The following WWOX variants were observed in gnomAD, a reference collection of about 807,000 sequenced individuals.
WWOX encodes WW domain containing oxidoreductase.
Under a neutral mutation model 46.2 loss-of-function variants are expected in WWOX, and 69 were observed. The observed-to-expected ratio is 1.49, with a 90% CI of 1.23 to 1.82. WWOX has a LOEUF of 1.82. Among genes scored for constraint, WWOX ranks in the 40% most tolerant of loss-of-function variants. The pLI is 0.00. For synonymous variants in WWOX, 359 were observed against 202.6 expected, an observed-to-expected ratio of 1.77 and a Z score of -6.56; for missense variants, 919 against 542.6, an observed-to-expected ratio of 1.69 and a Z score of -6.89.
At chr16:78,460,812 C>G (rs1156268249) in intron 8 of WWOX, among the ~76,000 whole-genome samples, 1 of 152,252 alleles carries the variant, frequency 6.6e-6, no homozygotes, top group African/African-American at 2.4e-5. Flanking sequence ...AATGAATACT[C>G]TATTTCAGTT....
intron 8 of WWOX, among the ~76,000 whole-genome samples, chr16:78,841,677 G>T (rs1307461088): frequency 6.6e-6 from 1 of 152,128 alleles, no homozygotes; most frequent in Non-Finnish European, 1.5e-5. Flanking sequence ...CTATAAGTAG[G>T]TGCAAACATT....
At chr16:78,719,504 A>G (rs751698496) in intron 8 of WWOX, among the ~76,000 whole-genome samples, 1 of 152,238 alleles carries the variant, frequency 6.6e-6, no homozygotes, top group Admixed American at 6.5e-5. Flanking sequence ...AGGAGTGTCT[A>G]GATGAAATGC....
chr16:78,997,054 C>A (rs540652026), intron 8 of WWOX, among the ~76,000 whole-genome samples: 1 of 152,132 alleles, frequency 6.6e-6, no homozygotes, highest in African/African-American at 2.4e-5. Context: ...TGCCACAGAG[C>A]GGCTGTCAGA....
chr16:78,700,956 G>A (rs186125360), intron 8 of WWOX, among the ~76,000 whole-genome samples: 2 of 152,196 alleles, frequency 1.3e-5, no homozygotes, highest in South Asian at 2.1e-4. Flanking sequence ...AGGGCTCTCA[G>A]TGGGTGTTGT....
intron 8 of WWOX, among the ~76,000 whole-genome samples, chr16:78,789,194 T>C (rs1027409666): frequency 1.3e-5 from 2 of 152,162 alleles, no homozygotes; most frequent in Non-Finnish European, 2.9e-5. Flanking sequence ...CATGGTGGTG[T>C]GAGAGCAGAA....
intron 8 of WWOX, among the ~76,000 whole-genome samples, chr16:78,962,735 A>T (rs2046294550): frequency 6.6e-6 from 1 of 152,156 alleles, no homozygotes; most frequent in African/African-American, 2.4e-5. Context: ...CTGTGTAAAC[A>T]CCACTCAGAT....
chr16:78,567,874 C>A (rs1289894881), intron 8 of WWOX, among the ~76,000 whole-genome samples: 1 of 152,118 alleles, frequency 6.6e-6, no homozygotes, highest in Non-Finnish European at 1.5e-5. Context: ...GCAGCTCGTC[C>A]CGTGTCTAAT....
chr16:78,638,922 A>G (rs2046638755), intron 8 of WWOX, among the ~76,000 whole-genome samples: 1 of 152,052 alleles, frequency 6.6e-6, no homozygotes, highest in Non-Finnish European at 1.5e-5. Context: ...AACCTGAGAG[A>G]TATCAGTGTA....
intron 8 of WWOX, among the ~76,000 whole-genome samples, chr16:78,978,257 G>A (rs1303218141): frequency 6.6e-6 from 1 of 152,170 alleles, no homozygotes; most frequent in Non-Finnish European, 1.5e-5. Flanking sequence ...GGGCATTTGG[G>A]TTATTTCCAC....
At chr16:78,833,325 G>T (rs147683583) in intron 8 of WWOX, among the ~76,000 whole-genome samples, 65 of 152,128 alleles carry the variant, frequency 4.3e-4, no homozygotes, top group African/African-American at 1.4e-3. Flanking sequence ...GGGATGACAA[G>T]CTCTTTCTTT....
intron 8 of WWOX, chr16:78,897,087 A>G (rs1024661207): frequency 6.6e-6 from 1 of 150,940 alleles, no homozygotes; most frequent in Admixed American, 6.6e-5. Flanking sequence ...AAAAAGAAAA[A>G]AAAAAAGAAA....
intron 8 of WWOX, among the ~76,000 whole-genome samples, chr16:79,172,219 C>G (rs1196819075): frequency 6.6e-6 from 1 of 152,174 alleles, no homozygotes; most frequent in Non-Finnish European, 1.5e-5. Flanking sequence ...TTTTATTTCC[C>G]CACTTGGCAC....
chr16:78,864,687 C>T (rs2043963871), intron 8 of WWOX, among the ~76,000 whole-genome samples: 4 of 149,632 alleles, frequency 2.7e-5, no homozygotes, highest in Admixed American at 2.7e-4. Context: ...GGGTCTGACA[C>T]ATCACAGATG....
At chr16:79,076,866 G>A (rs1460068187) in intron 8 of WWOX, among the ~76,000 whole-genome samples, 6 of 152,192 alleles carry the variant, frequency 3.9e-5, no homozygotes, top group African/African-American at 7.2e-5. Flanking sequence ...TGTATCAGAC[G>A]CTTGTCTTAG....
At chr16:78,734,144 A>G (rs776151764) in intron 8 of WWOX, among the ~76,000 whole-genome samples, 61 of 152,146 alleles carry the variant, frequency 4.0e-4, no homozygotes, top group Non-Finnish European at 6.8e-4. Flanking sequence ...CTAAAGCAAA[A>G]GAGTAGTATT....
At chr16:78,877,011 G>A (rs2044247317) in intron 8 of WWOX, among the ~76,000 whole-genome samples, 1 of 152,104 alleles carries the variant, frequency 6.6e-6, no homozygotes, top group South Asian at 2.1e-4. Context: ...TCCTATTTCT[G>A]CTGGTTCGAA....
chr16:78,727,837 C>T lies in WWOX; in HGVS notation c.1056+295085C>T, dbSNP rs187800907. On this transcript the variant is annotated intron_variant, in intron 8 of 8. Coordinates refer to ENST00000566780, the MANE Select transcript of WWOX (RefSeq NM_016373.4). ...CCTATGTGCCTGCCTTGCTCTACAT[C>T]AGTGCTTCTTGGATATTTTGGTATC... is the stretch of plus-strand genomic sequence containing the variant. Among the ~76,000 whole-genome samples, 14 of 152,078 alleles carry T rather than the reference C, an allele frequency of 9.2e-5. No homozygotes were observed. In the East Asian group the frequency reaches 2.7e-3, roughly 30 times the overall value.
chr16:79,152,285 A>T (rs1235790615), intron 8 of WWOX, among the ~76,000 whole-genome samples: 1 of 152,104 alleles, frequency 6.6e-6, no homozygotes, highest in Non-Finnish European at 1.5e-5. Context: ...GGACCATGCG[A>T]TGGGGAATGC....
rs145801535 is a variant in WWOX, at chr16:79,003,734, G to T, written c.1057-207874G>T. ...AGGGTGATTGGATTCTTGTAGGGCA[G>T]CTGTTTCAGCTACACAGCAGAAGTG... On this transcript the variant is annotated intron_variant, in intron 8 of 8. Coordinates refer to ENST00000566780, the MANE Select transcript of WWOX (RefSeq NM_016373.4). Among the ~76,000 whole-genome samples the T allele has an allele frequency of 4.9e-3, 740 of 152,266 alleles. 4 individuals are homozygous for T. The highest frequency in any genetic ancestry group is 8.4e-3 in the Non-Finnish European group (569 of 68,008).
Sources: allele counts gnomAD v4.1 joint callset (sites outside exome capture counted in the v4.1 genomes callset), GRCh38; gene constraint gnomAD v4.1.1; transcripts MANE v1.5; gene names NCBI Gene and HGNC (gene_info 2026-07-23, HGNC 2026-07-21).